CAMSAP3: variants seen among roughly 807,000 people sequenced by gnomAD.
The protein encoded by CAMSAP3 is calmodulin regulated spectrin associated protein family member 3.
A neutral mutation model predicts 112.5 loss-of-function variants in CAMSAP3; 34 were observed. The observed-to-expected ratio is 0.30, with a 90% CI of 0.23 to 0.40. The LOEUF (loss-of-function observed/expected upper bound fraction) is 0.40, where lower values mean the gene tolerates loss of function less well. Ranked by LOEUF, CAMSAP3 falls within the 10% of genes least tolerant of loss-of-function variation. CAMSAP3 has a pLI of 1.00. For missense variants in CAMSAP3, 1,602 were observed against 1,770.3 expected (o/e 0.90, Z 1.71); for synonymous variants, 868 against 799.8 (o/e 1.09, Z -1.44).
At chr19:7,605,527 C>G (rs1029727877) in intron 2 of CAMSAP3, 48 bp downstream of exon 2, 7 of 1,412,978 alleles carry the variant, frequency 5.0e-6, no homozygotes, top group Admixed American at 2.9e-5. Flanking sequence ...TGCTCAGCTC[C>G]TCCCCTCAAG....
Position 7,615,558 on chromosome 19 carries a change from G to T in CAMSAP3, c.2951G>T (p.Arg984Leu). 1 of 1,518,760 alleles carries T rather than the reference G, an allele frequency of 6.6e-7. No individual in the cohort carries two copies. 94.1% of individuals were successfully genotyped at this position (1,518,760 alleles called of 1,614,324 possible). The part of the protein sequence containing the change: ...KGDFTRQEYE[R>L]RAQLKLMDDL... ...GACTTCACGCGGCAGGAGTACGAGC[G>T]CCGGGCCCAGCTGAAGCTGATGGAC... Residue 984 changes from arginine to leucine, a missense_variant, in exon 13 of 17, where the codon CGC (arginine) becomes CTC (leucine). Physicochemically the swap from Arg to Leu is moderately radical, Grantham distance 102. This residue lies in a region of CAMSAP3 where 1,100 missense variants were observed against 1,135.7 expected (regional missense o/e 0.97). Transcript: ENST00000160298. The surrounding 1 kb of genome is among the most constrained non-coding windows in gnomAD (Gnocchi z 6.5).
intron 4 of CAMSAP3, chr19:7,606,919 C>A: frequency 1.6e-6 from 2 of 1,212,628 alleles, no homozygotes; most frequent in Non-Finnish European, 2.4e-6. Context: ...CCTCCCCAAG[C>A]TGTGAGCAAA....
At position 7,612,782 on chromosome 19, in the gene CAMSAP3, C is replaced by G. The variant is rs779104486; in HGVS notation, c.2289C>G (p.Val763=). Residue 763 remains valine (V), a synonymous_variant, in exon 11 of 17, where the codon GTC becomes GTG. Coordinates refer to ENST00000160298, the MANE Select transcript of CAMSAP3 (RefSeq NM_020902.2). ...CATCCCCCAGCCCCGCCCGGCGAGT[C>G]CCGGCCACCCGGCGCAGCCCTGGGC... ...KAASPSPARR[V]PATRRSPGPG... is the part of the protein sequence containing the mutation. 19 of 1,532,976 alleles carry G rather than the reference C, an allele frequency of 1.2e-5. No individual in the cohort carries two copies. The highest frequency in any genetic ancestry group is 1.7e-5 in the Non-Finnish European group (19 of 1,145,042). The allele number at this position is 1,532,976 out of a possible 1,614,324, so 95.0% of individuals were successfully genotyped here.
At chr19:7,601,775 G>T (rs1180396467) in intron 1 of CAMSAP3, among the ~76,000 whole-genome samples, 1 of 145,280 alleles carries the variant, frequency 6.9e-6, no homozygotes, top group African/African-American at 2.6e-5. Context: ...AAAATAAAAA[G>T]AAAGTGGGGC....
At chr19:7,606,156 A>AAACC (rs2030206864) in intron 2 of CAMSAP3, 115 bp from the exon 3 acceptor site, 7 of 227,810 alleles carry the variant, frequency 3.1e-5, no homozygotes, top group African/African-American at 4.2e-5. Context: ...CTCAAGCCCC[A>AAACC]CCCCCCCCGT....
chr19:7,606,835 G>A (rs374613160), intron 4 of CAMSAP3: 72 of 1,612,384 alleles, frequency 4.5e-5, no homozygotes, highest in Non-Finnish European at 5.1e-5. Flanking sequence ...TGTCCGCCCC[G>A]TCTGCCTGCC....
rs534425335 is a variant in CAMSAP3, at chr19:7,610,418, C to G, written c.761-58C>G. On this transcript the variant is annotated intron_variant, in intron 5 of 16. Coordinates refer to ENST00000160298, the MANE Select transcript of CAMSAP3 (RefSeq NM_020902.2). The surrounding 1 kb of genome is among the most constrained non-coding windows in gnomAD (Gnocchi z 4.9). The stretch of plus-strand genomic sequence containing the variant: ...TGGGGGACTGCTGGTCCCTGGCTTC[C>G]CTGGGGCCCCATCCTCCTCCTCATA... The G allele has an allele frequency of 1.3e-6, 2 of 1,541,660 alleles. No individual in the cohort carries two copies. The highest frequency in any genetic ancestry group is 8.8e-7 in the Non-Finnish European group (1 of 1,141,930).
chr19:7,595,910 A>T lies in CAMSAP3; in HGVS notation c.-93A>T. The T allele has an allele frequency of 1.8e-6, 1 of 547,286 alleles. No homozygotes were observed. The highest frequency in any genetic ancestry group is 2.3e-6 in the Non-Finnish European group (1 of 432,448). 33.9% of individuals were successfully genotyped at this position (547,286 alleles called of 1,614,324 possible). ...CGGCGGCGGCGGCGGCAGCGGCGGT[A>T]GCAGCAGCGGGCCCGGCTGGGGCGC... On this transcript the variant is annotated 5_prime_UTR_variant, in exon 1 of 17. Transcript: ENST00000160298.
Position 7,615,037 on chromosome 19 carries a change from A to G in CAMSAP3, c.2671-146A>G, listed in dbSNP as rs1216044984. On this transcript the variant is annotated intron_variant, in intron 11 of 16. Transcript: ENST00000160298. This position sits in a 1 kb window ranked among gnomAD's most constrained non-coding sequence, Gnocchi z 6.5. ...CCCAGTACTTAGTGTGGGGCTGTGC[A>G]TACAGTAGGCACCAACTAAGTGCAT... 1.1e-6 allele frequency: 1 copy of G among 919,132 alleles called. No homozygotes were observed. Among genetic ancestry groups the G allele is most frequent in the African/African-American group, 1.6e-5 (1 of 61,224 alleles). 56.9% of individuals were successfully genotyped at this position (919,132 alleles called of 1,614,324 possible). A position where few individuals can be genotyped will look rare whatever the true frequency, so the allele number is the denominator to read the frequency against.
rs1599363261 is a variant in CAMSAP3, at chr19:7,615,463, A to G, written c.2856A>G (p.Ala952=). The G allele has an allele frequency of 1.3e-6, 2 of 1,541,230 alleles. No homozygotes were observed. The change falls in exon 13 of 17, where the codon GCA becomes GCG. Residue 952 remains alanine (A), a synonymous_variant. Coordinates refer to ENST00000160298, the MANE Select transcript of CAMSAP3 (RefSeq NM_020902.2). This position sits in a 1 kb window ranked among gnomAD's most constrained non-coding sequence, Gnocchi z 6.5. The stretch of plus-strand genomic sequence containing the variant: ...CGGGCCCAGCCCCGCTTGTGTCCGC[A>G]GTCCCGATGGCGACTCCAGCCCCTG... ...EAPGPAPLVS[A]VPMATPAPAA...
chr19:7,608,175 C>A lies in CAMSAP3; in HGVS notation c.671C>A (p.Pro224Gln). The A allele has an allele frequency of 1.2e-6, 2 of 1,612,558 alleles. No individual in the cohort carries two copies. The highest frequency in any genetic ancestry group is 8.5e-7 in the Non-Finnish European group (1 of 1,179,938). Residue 224 changes from proline to glutamine, a missense_variant, in exon 5 of 17, where the codon CCG (proline) becomes CAG (glutamine). Pro to Gln is a moderately conservative substitution (Grantham distance 76). Coordinates refer to ENST00000160298, the MANE Select transcript of CAMSAP3 (RefSeq NM_020902.2). ...GTGGCGCGACGTGCCCCCTGCTTCC[C>A]GACGGTGACCAGCCTCCAGGACCTG... is the stretch of plus-strand genomic sequence containing the variant. ...RVVARRAPCF[P>Q]TVTSLQDLAS...
At chr19:7,602,364 G>C (rs2030006141) in intron 1 of CAMSAP3, among the ~76,000 whole-genome samples, 1 of 152,196 alleles carries the variant, frequency 6.6e-6, no homozygotes, top group African/African-American at 2.4e-5. Flanking sequence ...TGTCAGTGTA[G>C]CCCTAGCTTA....
Position 7,617,996 on chromosome 19 carries a change from G to A in CAMSAP3, c.3689G>A (p.Gly1230Glu). The A allele has an allele frequency of 1.9e-6, 3 of 1,614,138 alleles. No homozygotes were observed. Among genetic ancestry groups the A allele is most frequent in the African/African-American group, 1.3e-5 (1 of 75,056 alleles). The change falls in exon 17 of 17, where the codon GGA becomes GAA. Residue 1230 changes from glycine (G) to glutamate (E), a missense_variant. This residue lies in a region of CAMSAP3 where 150 missense variants were observed against 207.6 expected (regional missense o/e 0.72). Coordinates refer to ENST00000160298, the MANE Select transcript of CAMSAP3 (RefSeq NM_020902.2). This position sits in a 1 kb window ranked among gnomAD's most constrained non-coding sequence, Gnocchi z 7.5. ...SMSVDAFTIQ[G>E]HLWQGKKPTT... ...AGCGTCGATGCCTTCACCATCCAGG[G>A]ACACCTCTGGCAGGGCAAGAAACCC...
intron 5 of CAMSAP3, among the ~76,000 whole-genome samples, chr19:7,608,638 T>G (rs2030331836): frequency 6.6e-6 from 1 of 150,932 alleles, no homozygotes; most frequent in Non-Finnish European, 1.5e-5. Context: ...AAGTACTTTT[T>G]TTTTTTTTTT....
In CAMSAP3 at chr19:7,617,856, G is replaced by T. The variant is rs1285433722; in HGVS notation, c.3549G>T (p.Ser1183=). ...TGTCGGGGGAGACAGAGGAGCTGTC[G>T]CGGCTGGCAGGGTATGGGCCCCGGA... ...YTLSGETEEL[S]RLAGYGPRTV... The change falls in exon 17 of 17, where the codon TCG becomes TCT. Residue 1183 remains serine, a synonymous_variant. Coordinates refer to ENST00000160298, the MANE Select transcript of CAMSAP3 (RefSeq NM_020902.2). This position sits in a 1 kb window ranked among gnomAD's most constrained non-coding sequence, Gnocchi z 7.5. 1 of 1,613,772 alleles carries T rather than the reference G, an allele frequency of 6.2e-7. No homozygotes were observed. Among genetic ancestry groups the T allele is most frequent in the African/African-American group, 1.3e-5 (1 of 75,054 alleles).
In CAMSAP3 at chr19:7,612,249, C is replaced by T; in HGVS notation, c.1756C>T (p.Pro586Ser). 1 of 1,592,224 alleles carries T rather than the reference C, an allele frequency of 6.3e-7. No individual in the cohort carries two copies. Among genetic ancestry groups the T allele is most frequent in the Middle Eastern group, 1.7e-4 (1 of 6,018 alleles). Residue 586 changes from proline (P) to serine (S), a missense_variant, in exon 11 of 17, where the codon CCC becomes TCC. Around this residue, in one of 6 missense-constraint regions of CAMSAP3, gnomAD observed 1,100 missense variants for 1,135.7 expected, o/e 0.97. Coordinates refer to ENST00000160298, the MANE Select transcript of CAMSAP3 (RefSeq NM_020902.2). ...AGAGGCTGAGGCCGGAGCGGGGTCC[C>T]CCACGTCCACTCCGGCCCCGCCGGA... is the stretch of plus-strand genomic sequence containing the variant. ...KAEAEAGAGS[P>S]TSTPAPPEAL...
Position 7,610,664 on chromosome 19 carries a change from G to A in CAMSAP3, c.901-36G>A, listed in dbSNP as rs781709589. 6.2e-6 allele frequency: 10 copies of A among 1,613,804 alleles called. No homozygotes were observed. The East Asian group carries it at 2.2e-4, about 36-fold the overall frequency. ...GGGCCGAGGCGGGCATCTGGGGCCA[G>A]GGGTCCCGTCTGCTGACCCGGCCTC... On this transcript the variant is annotated intron_variant, in intron 6 of 16. Transcript: ENST00000160298. The surrounding 1 kb of genome is among the most constrained non-coding windows in gnomAD (Gnocchi z 4.9).
Position 7,615,179 on chromosome 19 carries a change from C to G in CAMSAP3, c.2671-4C>G. The G allele has an allele frequency of 6.4e-7, 1 of 1,554,628 alleles. No individual in the cohort carries two copies. The highest frequency in any genetic ancestry group is 8.7e-7 in the Non-Finnish European group (1 of 1,149,466). Reference sequence around the variant, plus strand: ...GGCTGGCTGGACTCGGCGTCTGTCCCCAGGATGAAGACAAGCCTGAGGACG... The same window carrying G: ...GGCTGGCTGGACTCGGCGTCTGTCCGCAGGATGAAGACAAGCCTGAGGACG... On this transcript the variant is annotated splice_region_variant and splice_polypyrimidine_tract_variant and intron_variant, in intron 11 of 16. Coordinates refer to ENST00000160298, the MANE Select transcript of CAMSAP3 (RefSeq NM_020902.2). The surrounding 1 kb of genome is among the most constrained non-coding windows in gnomAD (Gnocchi z 6.5).
At position 7,606,534 on chromosome 19, in the gene CAMSAP3, C is replaced by T. The variant is rs745535647; in HGVS notation, c.584C>T (p.Ala195Val). 7.7e-6 allele frequency: 12 copies of T among 1,554,630 alleles called. No individual in the cohort carries two copies. Among genetic ancestry groups the T allele is most frequent in the South Asian group, 1.2e-5 (1 of 86,362 alleles). ...GAAGCGGCCCAGCGAGCCTCTCCAG[C>T]AGCCCCTGCAGACGGGGCGGCCCCG... Reference protein sequence around the residue: ...EQEAAQRASPAAPADGAAPAQ... With the variant: ...EQEAAQRASPVAPADGAAPAQ... Residue 195 changes from alanine (A) to valine (V), a missense_variant, in exon 4 of 17, where the codon GCA (alanine) becomes GTA (valine). Physicochemically the swap from Ala to Val is moderately conservative, Grantham distance 64. Around this residue, in one of 6 missense-constraint regions of CAMSAP3, gnomAD observed 112 missense variants for 94.2 expected, o/e 1.19. Coordinates refer to ENST00000160298, the MANE Select transcript of CAMSAP3 (RefSeq NM_020902.2).
Sources: gnomAD v4.1 joint callset for allele counts (sites outside exome capture counted in the v4.1 genomes callset) on GRCh38, gnomAD v4.1.1 for gene constraint, gnomAD v4.1.1 regional missense constraint, Gnocchi (gnomAD v3.1) non-coding constraint, MANE v1.5 for transcripts, NCBI Gene and HGNC (gene_info 2026-07-23, HGNC 2026-07-21) for gene names.